Variants in LIN7A observed in about 807,000 individuals in gnomAD.
LIN7A encodes the protein lin-7 cell polarity scaffold A.
LIN7A carries 25 observed loss-of-function variants against 29.8 expected under a neutral mutation model. The observed-to-expected ratio is 0.84, with a 90% CI of 0.61 to 1.17. The LOEUF is 1.17. Among genes scored for constraint, LIN7A ranks in the 50% most tolerant of loss-of-function variants. LIN7A has a pLI of 0.00. For missense variants in LIN7A, 239 were observed against 287.0 expected (o/e 0.83, Z 1.21); for synonymous variants, 118 against 107.5 (o/e 1.10, Z -0.60).
chr12:80,892,388 G>C (rs1378421951), intron 1 of LIN7A, among the ~76,000 whole-genome samples: 1 of 152,144 alleles, frequency 6.6e-6, no homozygotes, highest in African/African-American at 2.4e-5. Context: ...AACTTCTCAT[G>C]AATCTAGAAC....
At chr12:80,866,762 C>T (rs1357226630) in intron 2 of LIN7A, among the ~76,000 whole-genome samples, 3 of 152,038 alleles carry the variant, frequency 2.0e-5, no homozygotes, top group Admixed American at 2.0e-4. Flanking sequence ...TAAAGAAAAT[C>T]TAAGGAATTA....
At position 80,794,311 on chromosome 12, in the gene LIN7A, AC is replaced by A. The variant is rs1027853154; in HGVS notation, c.*3415del. 5 of 152,068 alleles carry A rather than the reference AC, an allele frequency of 3.3e-5. No individual in the cohort carries two copies. Among genetic ancestry groups the A allele is most frequent in the Admixed American group, 6.6e-5 (1 of 15,254 alleles). 9.4% of individuals were successfully genotyped at this position (152,068 alleles called of 1,614,324 possible). A position where few individuals can be genotyped will look rare whatever the true frequency, so the allele number is the denominator to read the frequency against. The stretch of plus-strand genomic sequence containing the variant: ...AGAGAGGGATGAGATGGGTTGGACC[AC>A]CCCATATTTTGGAAGATCTTTTTCT... On this transcript the variant is annotated 3_prime_UTR_variant, in exon 6 of 6. Transcript: ENST00000552864.
At chr12:80,826,414 C>T (rs17007433) in intron 4 of LIN7A, among the ~76,000 whole-genome samples, 14,997 of 152,204 alleles carry the variant, frequency 0.099, 796 homozygotes, top group East Asian at 0.18. Flanking sequence ...GATATTAATG[C>T]GTCAATTACC....
chr12:80,813,434 G>A (rs982711635), intron 4 of LIN7A, among the ~76,000 whole-genome samples: 2 of 152,298 alleles, frequency 1.3e-5, no homozygotes, highest in South Asian at 4.1e-4. Flanking sequence ...AATTTTTCTG[G>A]AGGGCACTAT....
In LIN7A at chr12:80,937,690, C is replaced by T. The variant is rs972324935; in HGVS notation, c.33G>A (p.Thr11=). The change falls in exon 1 of 6, where the codon ACG becomes ACA. Residue 11 remains threonine, a synonymous_variant. Coordinates refer to ENST00000552864, the MANE Select transcript of LIN7A (RefSeq NM_004664.4). MLKPSVTSAP[T]ADMATLTVVQ... The stretch of plus-strand genomic sequence containing the variant: ...CCACTGTCAATGTCGCCATGTCTGC[C>T]GTGGGAGCCGAAGTGACGCTCGGCT... 2 of 1,463,320 alleles carry T rather than the reference C, an allele frequency of 1.4e-6. No homozygotes were observed. The highest frequency in any genetic ancestry group is 1.8e-6 in the Non-Finnish European group (2 of 1,089,122). The allele number at this position is 1,463,320 out of a possible 1,614,324, so 90.6% of individuals were successfully genotyped here. A position where few individuals can be genotyped will look rare whatever the true frequency, so the allele number is the denominator to read the frequency against.
At chr12:80,864,122 A>AGGG (rs1874017195) in intron 2 of LIN7A, among the ~76,000 whole-genome samples, 1 of 152,148 alleles carries the variant, frequency 6.6e-6, no homozygotes, top group Non-Finnish European at 1.5e-5. Context: ...ACAAAGTTAC[A>AGGG]CTCATAAGTT....
intron 4 of LIN7A, 141 bp from the exon 5 acceptor site, chr12:80,811,824 C>A (rs1243531339): frequency 1.7e-5 from 17 of 974,850 alleles, no homozygotes; most frequent in Non-Finnish European, 2.4e-5. Flanking sequence ...TTACCATCAT[C>A]GTTATTATTT....
At chr12:80,814,156 C>G (rs1871422291) in intron 4 of LIN7A, among the ~76,000 whole-genome samples, 1 of 152,168 alleles carries the variant, frequency 6.6e-6, no homozygotes. Context: ...GGCTTAGCCA[C>G]TCAACTAATA....
intron 2 of LIN7A, among the ~76,000 whole-genome samples, chr12:80,888,764 G>A (rs905158816): frequency 1.3e-5 from 2 of 152,122 alleles, no homozygotes; most frequent in Non-Finnish European, 2.9e-5. Flanking sequence ...GAAACCATTA[G>A]TCAAGAAAGG....
rs1338449957 is a variant in LIN7A at position 80,814,466 on chromosome 12, C to A, written c.484-2783G>T. Among the ~76,000 whole-genome samples, 5 of 152,104 alleles carry A rather than the reference C, an allele frequency of 3.3e-5. No individual in the cohort carries two copies. The South Asian group carries it at 1.0e-3, about 32-fold the overall frequency. The stretch of plus-strand genomic sequence containing the variant: ...CTAGGCCAGATCATCAGTCTGTAGA[C>A]TTCTTCGTGGCTTTTGTTCTATTTG... On this transcript the variant is annotated intron_variant, in intron 4 of 5. Transcript: ENST00000552864.
intron 1 of LIN7A, among the ~76,000 whole-genome samples, chr12:80,909,109 T>C (rs1203028079): frequency 1.3e-5 from 2 of 152,262 alleles, no homozygotes; most frequent in African/African-American, 2.4e-5. Flanking sequence ...AGGTCTTACA[T>C]TTACATTTTT....
chr12:80,900,303 A>T (rs1225117776), intron 1 of LIN7A, among the ~76,000 whole-genome samples: 2 of 151,968 alleles, frequency 1.3e-5, no homozygotes, highest in Non-Finnish European at 2.9e-5. Context: ...GTCTTCTGCT[A>T]GCTTTGGGAT....
intron 4 of LIN7A, among the ~76,000 whole-genome samples, chr12:80,825,411 A>G (rs936439259): frequency 6.6e-6 from 1 of 152,230 alleles, no homozygotes; most frequent in African/African-American, 2.4e-5. Flanking sequence ...AAGAGTACCC[A>G]TAATCAGATG....
At position 80,807,069 on chromosome 12, in the gene LIN7A, T is replaced by TTTTTG. The variant is rs1555221343; in HGVS notation, c.*4395_*4396insCAAAA. On this transcript the variant is annotated intron_variant, in intron 5 of 5. Coordinates refer to ENST00000552864, the MANE Select transcript of LIN7A (RefSeq NM_004664.4). ...GAAATTTAATGAAGATGGAGTTTTT[T>TTTTTG]TTTTTTTTTTTTTTTTTTTTTTGAC... Among the ~76,000 whole-genome samples the TTTTTG allele has an allele frequency of 7.0e-4, 45 of 63,858 alleles. 5 individuals are homozygous for TTTTTG. Among genetic ancestry groups the TTTTTG allele is most frequent in the Middle Eastern group, 5.8e-3 (1 of 172 alleles). The allele number at this position is 63,858 out of a possible 152,430, so 41.9% of individuals were successfully genotyped here. A position where few individuals can be genotyped will look rare whatever the true frequency, so the allele number is the denominator to read the frequency against.
chr12:80,900,538 A>G (rs1203558723), intron 1 of LIN7A, among the ~76,000 whole-genome samples: 1 of 152,152 alleles, frequency 6.6e-6, no homozygotes, highest in Non-Finnish European at 1.5e-5. Flanking sequence ...GTCATTCAGG[A>G]GCAGGTTAAT....
At chr12:80,927,807 C>G (rs756835796) in intron 1 of LIN7A, among the ~76,000 whole-genome samples, 9 of 152,114 alleles carry the variant, frequency 5.9e-5, no homozygotes, top group Non-Finnish European at 1.0e-4. Flanking sequence ...TTGCTGCACC[C>G]GTCAACTCGT....
At position 80,820,630 on chromosome 12, in the gene LIN7A, T is replaced by TACACACACACACACACACACAC. The variant is rs3072333; in HGVS notation, c.484-8969_484-8948dup. On this transcript the variant is annotated intron_variant, in intron 4 of 5. Transcript: ENST00000552864. Reference sequence around the variant, plus strand: ...GATGGTTGTTGGAATGAAGATTAAATACACACACACACACACACACACACA... The same window carrying TACACACACACACACACACACAC: ...GATGGTTGTTGGAATGAAGATTAAATACACACACACACACACACACACACACACACACACACACACACACACA... Among the ~76,000 whole-genome samples, 347 of 147,506 alleles carry TACACACACACACACACACACAC rather than the reference T, an allele frequency of 2.4e-3. 1 individual carries two copies. Among genetic ancestry groups the TACACACACACACACACACACAC allele is most frequent in the African/African-American group, 6.9e-3 (276 of 39,908 alleles).
At chr12:80,804,900 A>G (rs1275693753) in intron 5 of LIN7A, among the ~76,000 whole-genome samples, 1 of 152,056 alleles carries the variant, frequency 6.6e-6, no homozygotes, top group Non-Finnish European at 1.5e-5. Context: ...ATTGTGTACA[A>G]GTACCACATT....
At chr12:80,910,035 T>C (rs1476739458) in intron 1 of LIN7A, among the ~76,000 whole-genome samples, 3 of 152,186 alleles carry the variant, frequency 2.0e-5, no homozygotes, top group Non-Finnish European at 2.9e-5. Flanking sequence ...TGGTATATTA[T>C]TTCATTTGTT....
Sources: gnomAD v4.1 joint callset for allele counts (sites outside exome capture counted in the v4.1 genomes callset) on GRCh38, gnomAD v4.1.1 for gene constraint, MANE v1.5 for transcripts, NCBI Gene and HGNC (gene_info 2026-07-23, HGNC 2026-07-21) for gene names.